The following TUBGCP3 variants were observed in gnomAD, a reference collection of about 807,000 sequenced individuals.
The protein encoded by TUBGCP3 is tubulin gamma complex component 3, also known as gamma-tubulin complex component 3.
Under a neutral mutation model 123.1 loss-of-function variants are expected in TUBGCP3, and 50 were observed. The ratio of observed to expected loss-of-function variants is 0.41; its 90% CI spans 0.32 to 0.51. The LOEUF is 0.51. TUBGCP3 is among the 20% of genes least tolerant of loss of function. The pLI is 0.36. For missense variants in TUBGCP3, 882 were observed against 1,127.0 expected, an observed-to-expected ratio of 0.78 and a Z score of 3.11; for synonymous variants, 405 against 413.9, an observed-to-expected ratio of 0.98 and a Z score of 0.26.
At chr13:112,605,061 CT>C in the TUBGCP3 span, 2 of 152,282 alleles carry the variant, frequency 1.3e-5, no homozygotes, top group Middle Eastern at 3.4e-3. Context: ...AATCCCAGCA[CT>C]TTGGAAGGCC....
intron 20 of TUBGCP3, among the ~76,000 whole-genome samples, chr13:112,490,253 ATGTT>A (rs141278508): frequency 2.5e-4 from 38 of 152,222 alleles, no homozygotes; most frequent in Non-Finnish European, 3.8e-4. Flanking sequence ...TATAGGAATT[ATGTT>A]TGTTTGTTTG....
intron 6 of TUBGCP3, among the ~76,000 whole-genome samples, chr13:112,555,605 C>T (rs889728661): frequency 2.6e-5 from 4 of 152,186 alleles, no homozygotes; most frequent in Non-Finnish European, 5.9e-5. Context: ...TGACTCTCTT[C>T]GACGTGCCAG....
At chr13:112,506,124 G>A (rs893296325) in intron 17 of TUBGCP3, among the ~76,000 whole-genome samples, 2 of 152,230 alleles carry the variant, frequency 1.3e-5, no homozygotes, top group African/African-American at 4.8e-5. Flanking sequence ...AGAATTTTTA[G>A]TTAGGGATCA....
At chr13:112,561,142 A>G in intron 3 of TUBGCP3, among the ~76,000 whole-genome samples, 1 of 152,258 alleles carries the variant, frequency 6.6e-6, no homozygotes, top group African/African-American at 2.4e-5. Context: ...AGTGACGAAC[A>G]TGCTGGAGGG....
At chr13:112,537,457 A>G (rs1878157224) in intron 11 of TUBGCP3, among the ~76,000 whole-genome samples, 1 of 151,970 alleles carries the variant, frequency 6.6e-6, no homozygotes, top group African/African-American at 2.4e-5. Flanking sequence ...ATTGACTTTG[A>G]TTATATTGAA....
At chr13:112,581,150 G>A (rs968481545) in intron 1 of TUBGCP3, among the ~76,000 whole-genome samples, 2 of 151,960 alleles carry the variant, frequency 1.3e-5, no homozygotes, top group East Asian at 3.9e-4. Context: ...CCTCCAGCTC[G>A]GCACCCAGCT....
At chr13:112,564,433 T>C (rs1034417769) in intron 3 of TUBGCP3, among the ~76,000 whole-genome samples, 3 of 152,266 alleles carry the variant, frequency 2.0e-5, no homozygotes, top group Non-Finnish European at 4.4e-5. Flanking sequence ...GAAAGCGGGA[T>C]GAACTAAGTT....
intron 20 of TUBGCP3, among the ~76,000 whole-genome samples, chr13:112,495,128 C>T (rs993884631): frequency 1.3e-5 from 2 of 152,220 alleles, no homozygotes; most frequent in Non-Finnish European, 2.9e-5. Flanking sequence ...TTACTCAAGA[C>T]ATTTTGCCCA....
intron 11 of TUBGCP3, among the ~76,000 whole-genome samples, chr13:112,536,698 C>A (rs1406154494): frequency 6.6e-6 from 1 of 152,108 alleles, no homozygotes; most frequent in Non-Finnish European, 1.5e-5. Context: ...ACCTCTCTAC[C>A]TATATATAAT....
chr13:112,521,748 C>T lies in TUBGCP3; in HGVS notation c.1745+572G>A, dbSNP rs1329030612. The stretch of plus-strand genomic sequence containing the variant: ...AAATCTCCAGGCCCAGGCTGTGGAC[C>T]CCTGGGATGCTCATGCCCAGGCTCA... On this transcript the variant is annotated intron_variant, in intron 14 of 21. Transcript: ENST00000261965. 5.1e-6 allele frequency: 5 copies of T among 985,208 alleles called. No homozygotes were observed. In the East Asian group the frequency reaches 4.5e-4, roughly 89 times the overall value. 61.0% of individuals were successfully genotyped at this position (985,208 alleles called of 1,614,324 possible).
Position 112,548,112 on chromosome 13 carries a change from G to T in TUBGCP3, c.1031C>A (p.Ser344Tyr). ...EYYRLLSVLH[S>Y]QLQLEDDQGV... The stretch of plus-strand genomic sequence containing the variant: ...AAATAAAAATAAAATATTTACCTGA[G>T]AATGTAAAACAGAGAGCAATCGATA... The change falls in exon 9 of 22, where the codon TCT becomes TAT. Residue 344 changes from serine (S) to tyrosine (Y), a missense_variant. Around this residue, in one of 3 missense-constraint regions of TUBGCP3, gnomAD observed 713 missense variants for 874.0 expected, o/e 0.82. Transcript: ENST00000261965. 6.3e-7 allele frequency: 1 copy of T among 1,590,108 alleles called. No homozygotes were observed. Among genetic ancestry groups the T allele is most frequent in the South Asian group, 1.2e-5 (1 of 85,822 alleles).
At chr13:112,555,977 C>A (rs1260080075) in intron 6 of TUBGCP3, 75 bp downstream of exon 6, 19 of 1,507,132 alleles carry the variant, frequency 1.3e-5, no homozygotes, top group Non-Finnish European at 1.7e-5. Context: ...GGCTCCTGGG[C>A]TGTACTTTAA....
intron 2 of TUBGCP3, 131 bp downstream of exon 2, chr13:112,569,021 G>T: frequency 1.4e-6 from 1 of 737,102 alleles, no homozygotes; most frequent in Non-Finnish European, 2.2e-6. Flanking sequence ...GAATTGACTT[G>T]TCCTTATTTT....
At chr13:112,555,085 A>C (rs1879916320) in intron 6 of TUBGCP3, 80 bp from the exon 7 acceptor site, 1 of 873,396 alleles carries the variant, frequency 1.1e-6, no homozygotes. Context: ...AATTAGCTTC[A>C]GATTAGATAT....
At chr13:112,580,107 CG>C (rs1374120438) in intron 1 of TUBGCP3, among the ~76,000 whole-genome samples, 8 of 152,076 alleles carry the variant, frequency 5.3e-5, no homozygotes, top group Admixed American at 5.2e-4. Flanking sequence ...ACTGCATTTA[CG>C]TGAAATTCTA....
chr13:112,573,608 G>A (rs760066237), intron 1 of TUBGCP3, among the ~76,000 whole-genome samples: 15 of 152,218 alleles, frequency 9.9e-5, no homozygotes, highest in Non-Finnish European at 2.1e-4. Flanking sequence ...TCTGGGAGAA[G>A]AATGTTCCCC....
chr13:112,550,906 G>C (rs192659473), intron 8 of TUBGCP3, among the ~76,000 whole-genome samples: 1 of 152,174 alleles, frequency 6.6e-6, no homozygotes, highest in Non-Finnish European at 1.5e-5. Context: ...AGACCATCCT[G>C]GCTAACACAG....
intron 13 of TUBGCP3, among the ~76,000 whole-genome samples, chr13:112,523,628 T>C (rs780715830): frequency 3.3e-5 from 5 of 152,174 alleles, no homozygotes; most frequent in African/African-American, 4.8e-5. Flanking sequence ...GATTTTTCTC[T>C]AGAAATGTTT....
rs1882757299 is a variant in TUBGCP3, at chr13:112,588,053, G to A, written c.-73C>T. 13 of 1,261,254 alleles carry A rather than the reference G, an allele frequency of 1.0e-5. No individual in the cohort carries two copies. The highest frequency in any genetic ancestry group is 1.3e-5 in the Non-Finnish European group (13 of 967,818). 78.1% of individuals were successfully genotyped at this position (1,261,254 alleles called of 1,614,324 possible). On this transcript the variant is annotated 5_prime_UTR_variant, in exon 1 of 22. Transcript: ENST00000261965. ...GCCGCACGCGCAGGGACCGCGGCCC[G>A]CGCCCTTCCTGCGCCCCGCAAGCTC...
Sources: gnomAD v4.1 joint callset for allele counts (sites outside exome capture counted in the v4.1 genomes callset) on GRCh38, gnomAD v4.1.1 for gene constraint, gnomAD v4.1.1 regional missense constraint, MANE v1.5 for transcripts, NCBI Gene and HGNC (gene_info 2026-07-23, HGNC 2026-07-21) for gene names.